PAPPA2: variants seen among roughly 807,000 people sequenced by gnomAD.
The protein encoded by PAPPA2 is pappalysin 2, also known as pappalysin-2.
PAPPA2 carries 86 observed loss-of-function variants against 176.4 expected under a neutral mutation model. The ratio of observed to expected loss-of-function variants is 0.49; its 90% CI spans 0.41 to 0.58. The LOEUF is 0.58. PAPPA2 is among the 20% of genes least tolerant of loss of function. PAPPA2 has a pLI of 0.00. For synonymous variants in PAPPA2, 809 were observed against 852.2 expected (o/e 0.95, Z 0.88); for missense variants, 2,073 against 2,256.9 (o/e 0.92, Z 1.65).
chr1:176,505,967 A>G (rs554979865), intron 1 of PAPPA2, among the ~76,000 whole-genome samples: 2 of 152,262 alleles, frequency 1.3e-5, no homozygotes, highest in East Asian at 3.9e-4. Context: ...GATTTTAAGC[A>G]GTTAGACTGG....
chr1:176,715,997 A>G (rs1443352097), intron 12 of PAPPA2, among the ~76,000 whole-genome samples: 2 of 150,608 alleles, frequency 1.3e-5, no homozygotes, highest in Admixed American at 1.3e-4. Flanking sequence ...TATATTAATT[A>G]ATTAATATTA....
chr1:176,757,651 G>A (rs539900729), intron 14 of PAPPA2, among the ~76,000 whole-genome samples: 1 of 152,238 alleles, frequency 6.6e-6, no homozygotes, highest in South Asian at 2.1e-4. Flanking sequence ...CATTCTGTAG[G>A]TTGCCTGTTC....
At chr1:176,650,025 A>G (rs1028231810) in intron 3 of PAPPA2, among the ~76,000 whole-genome samples, 15 of 151,662 alleles carry the variant, frequency 9.9e-5, no homozygotes, top group African/African-American at 3.6e-4. Context: ...ATTGTATTGC[A>G]GTCTTTCTCT....
At chr1:176,583,960 T>C (rs528662588) in intron 2 of PAPPA2, among the ~76,000 whole-genome samples, 21 of 152,032 alleles carry the variant, frequency 1.4e-4, no homozygotes, top group Non-Finnish European at 2.9e-4. Context: ...GAGGATGAGG[T>C]GGGAGGATTG....
chr1:176,748,279 G>C lies in PAPPA2; in HGVS notation c.4151+8083G>C, dbSNP rs1357811185. 2.0e-5 allele frequency among the ~76,000 whole-genome samples: 3 copies of C among 152,192 alleles called. No homozygotes were observed. In the East Asian group the frequency reaches 5.8e-4, roughly 29 times the overall value. On this transcript the variant is annotated intron_variant, in intron 14 of 22. Coordinates refer to ENST00000367662, the MANE Select transcript of PAPPA2 (RefSeq NM_020318.3). Reference sequence around the variant, plus strand: ...ATGCTATAATGGTTTCAACTTACTAGACAGCTTAGGGCAGAAGGGATACAC... The same window carrying C: ...ATGCTATAATGGTTTCAACTTACTACACAGCTTAGGGCAGAAGGGATACAC...
Position 176,606,007 on chromosome 1 carries a change from A to T in PAPPA2, c.1991+10412A>T, listed in dbSNP as rs565707196. Among the ~76,000 whole-genome samples, 64 of 152,212 alleles carry T rather than the reference A, an allele frequency of 4.2e-4. 1 individual carries two copies. The highest frequency in any genetic ancestry group is 1.9e-3 in the South Asian group (9 of 4,820). The stretch of plus-strand genomic sequence containing the variant: ...TTGCATGATTTAGATTTCAAACTCA[A>T]ATATGCTAGGCTATCCAAGTGAAGT... On this transcript the variant is annotated intron_variant, in intron 3 of 22. Transcript: ENST00000367662.
intron 2 of PAPPA2, among the ~76,000 whole-genome samples, chr1:176,585,897 A>G (rs946779100): frequency 1.3e-5 from 2 of 152,006 alleles, no homozygotes; most frequent in Admixed American, 6.6e-5. Flanking sequence ...TATTTTGTTT[A>G]ACCATCTATC....
At chr1:176,478,359 C>T (rs1314233196) in intron 1 of PAPPA2, among the ~76,000 whole-genome samples, 1 of 152,202 alleles carries the variant, frequency 6.6e-6, no homozygotes, top group East Asian at 1.9e-4. Flanking sequence ...GGATAAACCT[C>T]AATTTGGTTC....
intron 1 of PAPPA2, among the ~76,000 whole-genome samples, chr1:176,533,146 A>G (rs1444431296): frequency 6.6e-6 from 1 of 152,208 alleles, no homozygotes; most frequent in Non-Finnish European, 1.5e-5. Flanking sequence ...CAAATTCTGA[A>G]CATGGTGTAG....
chr1:176,641,141 G>T (rs1160323836), intron 3 of PAPPA2, among the ~76,000 whole-genome samples: 2 of 151,146 alleles, frequency 1.3e-5, no homozygotes, highest in Non-Finnish European at 3.0e-5. Flanking sequence ...TTTGTAGGTT[G>T]CCTGTTCACT....
rs1660548531 is a variant in PAPPA2, at chr1:176,699,545, T to C, written c.3192T>C (p.Gly1064=). 2.5e-6 allele frequency: 4 copies of C among 1,611,280 alleles called. No homozygotes were observed. The highest frequency in any genetic ancestry group is 1.7e-5 in the Admixed American group (1 of 59,926). Residue 1064 remains glycine, a synonymous_variant, in exon 8 of 23, where the codon GGT becomes GGC. Coordinates refer to ENST00000367662, the MANE Select transcript of PAPPA2 (RefSeq NM_020318.3). The stretch of plus-strand genomic sequence containing the variant: ...TCCGCGATCCCCCATTTGCCAGTGG[T>C]TTGCCCGTGGTGGTGACACATTCTC... ...QVLRDPPFAS[G]LPVVVTHSHR...
intron 2 of PAPPA2, among the ~76,000 whole-genome samples, chr1:176,558,177 C>T (rs1303522574): frequency 1.3e-5 from 2 of 152,176 alleles, no homozygotes; most frequent in African/African-American, 2.4e-5. Context: ...GAACCTAACA[C>T]AAAGCAAGGT....
At chr1:176,544,775 C>CT (rs1465264311) in intron 1 of PAPPA2, among the ~76,000 whole-genome samples, 1 of 152,182 alleles carries the variant, frequency 6.6e-6, no homozygotes, top group Non-Finnish European at 1.5e-5. Context: ...AACCTGGCTA[C>CT]AAATCTGAGG....
chr1:176,639,865 A>T (rs1301830529), intron 3 of PAPPA2, among the ~76,000 whole-genome samples: 2 of 151,850 alleles, frequency 1.3e-5, no homozygotes, highest in Non-Finnish European at 2.9e-5. Flanking sequence ...TGCTTTACAT[A>T]CAATATTTTA....
chr1:176,522,821 A>G (rs192238211), intron 1 of PAPPA2, among the ~76,000 whole-genome samples: 370 of 149,472 alleles, frequency 2.5e-3, no homozygotes, highest in South Asian at 0.016. Context: ...GAGTTTCTGC[A>G]ACTTCCAACA....
At chr1:176,836,539 A>T (rs1164700647) in intron 21 of PAPPA2, 2 of 152,268 alleles carry the variant, frequency 1.3e-5, no homozygotes, top group African/African-American at 4.8e-5. Flanking sequence ...AGATCTTATC[A>T]GCCAATCAGT....
At chr1:176,745,722 C>G (rs1662875649) in intron 14 of PAPPA2, among the ~76,000 whole-genome samples, 1 of 152,120 alleles carries the variant, frequency 6.6e-6, no homozygotes, top group Non-Finnish European at 1.5e-5. Context: ...GAAGAGGCTC[C>G]CAACCCAAAG....
At chr1:176,595,760 G>T (rs1653944417) in intron 3 of PAPPA2, among the ~76,000 whole-genome samples, 165 bp downstream of exon 3, 1 of 152,184 alleles carries the variant, frequency 6.6e-6, no homozygotes, top group South Asian at 2.1e-4. Context: ...TGTTCTGTTA[G>T]GTAATTAGGG....
At chr1:176,576,204 A>T (rs1652631326) in intron 2 of PAPPA2, among the ~76,000 whole-genome samples, 1 of 152,148 alleles carries the variant, frequency 6.6e-6, no homozygotes, top group Admixed American at 6.5e-5. Context: ...GCAGTGCATG[A>T]GTGTGCCCTT....
Sources: gnomAD v4.1 joint callset for allele counts (sites outside exome capture counted in the v4.1 genomes callset) on GRCh38, gnomAD v4.1.1 for gene constraint, MANE v1.5 for transcripts, NCBI Gene and HGNC (gene_info 2026-07-23, HGNC 2026-07-21) for gene names.